Variants in TAS2R1 observed in about 807,000 individuals in gnomAD.
TAS2R1 encodes taste 2 receptor member 1.
For synonymous variants in TAS2R1, 141 were observed against 134.2 expected (o/e 1.05, Z -0.35); for missense variants, 370 against 353.4 (o/e 1.05, Z -0.38).
the TAS2R1 span, among the ~76,000 whole-genome samples, chr5:9,802,244 C>G: frequency 1.3e-5 from 2 of 152,174 alleles, no homozygotes; most frequent in African/African-American, 4.8e-5. Flanking sequence ...AGACAGATCA[C>G]ATCACAGGAC....
In TAS2R1 at chr5:9,629,157, G is replaced by A. The variant is rs1236135827; in HGVS notation, c.876C>T (p.Leu292=). Residue 292 remains leucine (L), a synonymous_variant, in exon 1 of 1, where the codon CTC becomes CTT. Coordinates refer to ENST00000382492, the MANE Select transcript of TAS2R1 (RefSeq NM_019599.3). ...PKLKQNAKKF[L]LHSKCCQ ...CTCACTGACAGCACTTACTGTGGAG[G>A]AGGAACTTTTTTGCATTTTGTTTCA... 7.0e-6 allele frequency: 11 copies of A among 1,576,362 alleles called. No homozygotes were observed. Among genetic ancestry groups the A allele is most frequent in the Non-Finnish European group, 9.5e-6 (11 of 1,163,146 alleles).
At chr5:9,789,175 C>G in the TAS2R1 span, among the ~76,000 whole-genome samples, 1 of 152,040 alleles carries the variant, frequency 6.6e-6, no homozygotes, top group Non-Finnish European at 1.5e-5. Context: ...AACCCAGGAG[C>G]CTGGGAAAGG....
the TAS2R1 span, among the ~76,000 whole-genome samples, chr5:9,842,316 C>CGTTTTTTTTTTTTTTTTTTTTT: frequency 8.6e-6 from 1 of 116,230 alleles, no homozygotes; most frequent in Non-Finnish European, 1.7e-5. Context: ...TTCTTTCTCT[C>CGTTTTTTTTTTTTTTTTTTTTT]TTTTTTTTTT....
At chr5:9,743,486 T>C in the TAS2R1 span, among the ~76,000 whole-genome samples, 1 of 152,088 alleles carries the variant, frequency 6.6e-6, no homozygotes, top group East Asian at 1.9e-4. Context: ...ATGGAAAAAA[T>C]AAACATGGAA....
At chr5:9,671,758 G>A (rs1634299) in intron 1 of TAS2R1, among the ~76,000 whole-genome samples, 57,272 of 151,724 alleles carry the variant, frequency 0.38, 11,371 homozygotes, top group Non-Finnish European at 0.45. Flanking sequence ...CAAACTACCA[G>A]CATCATTCTT....
At chr5:9,827,435 T>G in the TAS2R1 span, among the ~76,000 whole-genome samples, 1 of 152,276 alleles carries the variant, frequency 6.6e-6, no homozygotes, top group African/African-American at 2.4e-5. Flanking sequence ...TTCAGAACAA[T>G]CTTTTAAAAC....
At chr5:9,682,009 G>C (rs1022199114) in intron 1 of TAS2R1, among the ~76,000 whole-genome samples, 2 of 152,108 alleles carry the variant, frequency 1.3e-5, no homozygotes, top group African/African-American at 4.8e-5. Context: ...GAAATCACCT[G>C]AGGACAAGGG....
At chr5:9,732,589 G>A in the TAS2R1 span, among the ~76,000 whole-genome samples, 2 of 152,096 alleles carry the variant, frequency 1.3e-5, no homozygotes, top group South Asian at 4.2e-4. Context: ...CAGGGTGGAT[G>A]GTGGCTCATT....
chr5:9,692,091 G>A (rs370469839), intron 1 of TAS2R1, among the ~76,000 whole-genome samples: 159 of 152,236 alleles, frequency 1.0e-3, no homozygotes, highest in African/African-American at 3.0e-3. Flanking sequence ...ATCGGGCTCC[G>A]CAGTCTGCAT....
chr5:9,674,146 C>T (rs1740824264), intron 1 of TAS2R1, among the ~76,000 whole-genome samples: 1 of 152,104 alleles, frequency 6.6e-6, no homozygotes, highest in African/African-American at 2.4e-5. Flanking sequence ...ATATATGTAA[C>T]AAAACTATGG....
chr5:9,627,865 T>C lies in TAS2R1; in HGVS notation c.*1268A>G, dbSNP rs1233251479. 6.6e-5 allele frequency among the ~76,000 whole-genome samples: 10 copies of C among 152,152 alleles called. No homozygotes were observed. The highest frequency in any genetic ancestry group is 1.9e-4 in the African/African-American group (8 of 41,436). On this transcript the variant is annotated 3_prime_UTR_variant, in exon 1 of 1. Coordinates refer to ENST00000382492, the MANE Select transcript of TAS2R1 (RefSeq NM_019599.3). ...AGCTTAGTTCCCATGCCCAAGAAGATAAGTACGTCCCTGAATCTCCTGAAG... is the reference window on the plus strand; with the variant it reads ...AGCTTAGTTCCCATGCCCAAGAAGACAAGTACGTCCCTGAATCTCCTGAAG...
In TAS2R1 at chr5:9,655,176, G is replaced by C. The variant is rs373229302; in HGVS notation, c.-81+4245C>G. Among the ~76,000 whole-genome samples the C allele has an allele frequency of 1.1e-4, 16 of 152,260 alleles. No homozygotes were observed. The East Asian group carries it at 2.5e-3, about 24-fold the overall frequency. On this transcript the variant is annotated intron_variant, in intron 2 of 2. Transcript: ENST00000506620. ...TTTATGGGAAGAATGAACTAGAACA[G>C]GACATGAGGGCCCTTTCTCAGGGAA...
chr5:9,657,021 T>C (rs1386976806), intron 2 of TAS2R1, among the ~76,000 whole-genome samples: 1 of 152,080 alleles, frequency 6.6e-6, no homozygotes, highest in African/African-American at 2.4e-5. Context: ...AAAAACATAT[T>C]CACAATATGT....
the TAS2R1 span, among the ~76,000 whole-genome samples, chr5:9,870,860 T>C: frequency 6.6e-6 from 1 of 152,178 alleles, no homozygotes. Context: ...GTCACTATGA[T>C]GATGGAAATC....
chr5:9,897,648 C>T, the TAS2R1 span, among the ~76,000 whole-genome samples: 18 of 152,246 alleles, frequency 1.2e-4, no homozygotes, highest in African/African-American at 4.3e-4. Context: ...CTAAAGACAA[C>T]TTTTATGAGA....
At chr5:9,701,967 G>T (rs751569471) in intron 1 of TAS2R1, among the ~76,000 whole-genome samples, 1 of 152,098 alleles carries the variant, frequency 6.6e-6, no homozygotes, top group African/African-American at 2.4e-5. Flanking sequence ...CTGCCCAAAA[G>T]GTCATTTTAT....
At chr5:9,690,694 G>C (rs1384758243) in intron 1 of TAS2R1, among the ~76,000 whole-genome samples, 6 of 151,830 alleles carry the variant, frequency 4.0e-5, no homozygotes, top group African/African-American at 1.5e-4. Context: ...TTCTGAATTT[G>C]TAACTGGACA....
chr5:9,648,687 C>T (rs1037208904), intron 2 of TAS2R1, among the ~76,000 whole-genome samples: 7 of 150,908 alleles, frequency 4.6e-5, no homozygotes, highest in Admixed American at 2.6e-4. Context: ...TCATTTTTTT[C>T]GGGGGTGGGG....
the TAS2R1 span, among the ~76,000 whole-genome samples, chr5:9,864,965 T>C: frequency 1.3e-5 from 2 of 152,196 alleles, no homozygotes; most frequent in East Asian, 1.9e-4. Flanking sequence ...CTCAGCAAGC[T>C]GGATGGTTGA....
Sources: allele counts gnomAD v4.1 joint callset (sites outside exome capture counted in the v4.1 genomes callset), GRCh38; gene constraint gnomAD v4.1.1; transcripts MANE v1.5; gene names NCBI Gene and HGNC (gene_info 2026-07-23, HGNC 2026-07-21).